AUTS2: variants seen among roughly 807,000 people sequenced by gnomAD.
AUTS2 encodes autism susceptibility gene 2 protein.
Under a neutral mutation model 112.4 loss-of-function variants are expected in AUTS2, and 17 were observed. The ratio of observed to expected loss-of-function variants is 0.15; its 90% confidence interval spans 0.10 to 0.23. The LOEUF (loss-of-function observed/expected upper bound fraction) is 0.23, where lower values mean the gene tolerates loss of function less well. AUTS2 is among the 10% of genes least tolerant of loss of function. The probability of loss-of-function intolerance (pLI) is 1.00; values close to 1 mark genes in which losing one functional copy is unlikely to be tolerated. For synonymous variants in AUTS2, 751 were observed against 702.7 expected (o/e 1.07, Z -1.09); for missense variants, 1,510 against 1,701.6 (o/e 0.89, Z 1.98).
chr7:70,719,425 A>G (rs995895425), intron 6 of AUTS2, among the ~76,000 whole-genome samples: 1 of 152,138 alleles, frequency 6.6e-6, no homozygotes, highest in South Asian at 2.1e-4. Context: ...CGGAACAAGC[A>G]GGGCTTCCCC....
chr7:69,875,459 A>T (rs1793688648), intron 1 of AUTS2, among the ~76,000 whole-genome samples: 1 of 152,170 alleles, frequency 6.6e-6, no homozygotes, highest in South Asian at 2.1e-4. Context: ...TAAGAGGATT[A>T]TTATTATTAT....
intron 2 of AUTS2, among the ~76,000 whole-genome samples, chr7:69,966,875 A>G (rs2129547516): frequency 1.3e-5 from 2 of 152,290 alleles, no homozygotes; most frequent in Admixed American, 1.3e-4. Context: ...ACGTTTCTGA[A>G]AAGAAATATG....
intron 4 of AUTS2, among the ~76,000 whole-genome samples, chr7:70,364,627 G>T (rs1792481793): frequency 6.8e-6 from 1 of 147,108 alleles, no homozygotes; most frequent in Non-Finnish European, 1.5e-5. Context: ...AAATTAAAAA[G>T]GGCTCAAAAG....
chr7:69,687,445 T>C (rs1797110754), intron 1 of AUTS2, among the ~76,000 whole-genome samples: 2 of 152,214 alleles, frequency 1.3e-5, no homozygotes, highest in South Asian at 4.1e-4. Context: ...TTATATACTT[T>C]GCTAACTTGC....
At chr7:70,684,484 T>A (rs1259055348) in intron 5 of AUTS2, among the ~76,000 whole-genome samples, 2 of 152,060 alleles carry the variant, frequency 1.3e-5, no homozygotes, top group Non-Finnish European at 2.9e-5. Flanking sequence ...AAACTGAGAT[T>A]TACCCAGCAG....
intron 3 of AUTS2, among the ~76,000 whole-genome samples, chr7:70,133,345 A>G (rs1806375760): frequency 2.0e-5 from 3 of 152,170 alleles, no homozygotes; most frequent in African/African-American, 4.8e-5. Flanking sequence ...TTTCTTACAC[A>G]TAATCCATCC....
At chr7:69,745,161 A>T (rs1787436659) in intron 1 of AUTS2, among the ~76,000 whole-genome samples, 1 of 152,124 alleles carries the variant, frequency 6.6e-6, no homozygotes, top group Non-Finnish European at 1.5e-5. Flanking sequence ...TGACCAAAAA[A>T]CCACCTCTCC....
At chr7:70,411,476 T>C (rs768856582) in intron 4 of AUTS2, among the ~76,000 whole-genome samples, 11 of 152,128 alleles carry the variant, frequency 7.2e-5, no homozygotes, top group Non-Finnish European at 1.6e-4. Context: ...AAAAAGTCAA[T>C]GTTCCTGCAG....
intron 4 of AUTS2, among the ~76,000 whole-genome samples, chr7:70,388,919 A>T (rs1200366432): frequency 6.6e-6 from 1 of 152,170 alleles, no homozygotes; most frequent in African/African-American, 2.4e-5. Flanking sequence ...TTCAAACTCA[A>T]TGAGGAGATA....
At chr7:70,722,010 G>A (rs1290242062) in intron 6 of AUTS2, among the ~76,000 whole-genome samples, 1 of 151,850 alleles carries the variant, frequency 6.6e-6, no homozygotes, top group Non-Finnish European at 1.5e-5. Flanking sequence ...TGTTTCCAAA[G>A]TGTGCTTTTT....
chr7:70,550,780 T>C (rs1380322029), intron 5 of AUTS2, among the ~76,000 whole-genome samples: 5 of 152,168 alleles, frequency 3.3e-5, no homozygotes, highest in African/African-American at 4.8e-5. Context: ...AAAGGGTTAG[T>C]ACCCATATGT....
chr7:69,874,694 T>A (rs1793651303), intron 1 of AUTS2, among the ~76,000 whole-genome samples: 1 of 152,082 alleles, frequency 6.6e-6, no homozygotes. Context: ...AGTTTATCTC[T>A]GTCACCCAGG....
chr7:69,747,779 A>G, intron 1 of AUTS2, among the ~76,000 whole-genome samples: 1 of 84,914 alleles, frequency 1.2e-5, no homozygotes, highest in African/African-American at 4.8e-5. Context: ...AGAGAGAAGG[A>G]GAGGGGTGTG....
At chr7:70,491,867 G>T (rs1035777991) in intron 5 of AUTS2, among the ~76,000 whole-genome samples, 1 of 152,072 alleles carries the variant, frequency 6.6e-6, no homozygotes, top group East Asian at 1.9e-4. Context: ...CGCCCGCCTC[G>T]GCCTCCCAGA....
chr7:69,608,056 C>T (rs1792825255), intron 1 of AUTS2, among the ~76,000 whole-genome samples: 1 of 152,136 alleles, frequency 6.6e-6, no homozygotes, highest in Admixed American at 6.5e-5. Flanking sequence ...CCACCTCACC[C>T]TCCCAAGTGC....
Position 69,614,399 on chromosome 7 carries a change from A to T in AUTS2, c.309+14437A>T. Among the ~76,000 whole-genome samples the T allele has an allele frequency of 3.9e-5, 2 of 51,810 alleles. 1 individual carries two copies. Among genetic ancestry groups the T allele is most frequent in the Non-Finnish European group, 8.7e-5 (2 of 23,110 alleles). 34.0% of individuals were successfully genotyped at this position (51,810 alleles called of 152,430 possible). On this transcript the variant is annotated intron_variant, in intron 1 of 18. Coordinates refer to ENST00000342771, the MANE Select transcript of AUTS2 (RefSeq NM_015570.4). The stretch of plus-strand genomic sequence containing the variant: ...GAGATGGGATCTCACTCTGTTTCCC[A>T]GGCTGGAGTGCAGCAGTAATCATAG...
At chr7:69,725,209 A>C (rs1411108743) in intron 1 of AUTS2, among the ~76,000 whole-genome samples, 1 of 152,172 alleles carries the variant, frequency 6.6e-6, no homozygotes, top group Non-Finnish European at 1.5e-5. Context: ...TTGAAAAATT[A>C]GCAGGAGTAT....
intron 1 of AUTS2, among the ~76,000 whole-genome samples, chr7:69,656,050 G>A (rs1350573904): frequency 6.6e-6 from 1 of 152,206 alleles, no homozygotes; most frequent in East Asian, 1.9e-4. Flanking sequence ...GTGGTGGCAG[G>A]ACAAATTTCT....
At chr7:70,156,051 C>T (rs1807740838) in intron 4 of AUTS2, among the ~76,000 whole-genome samples, 2 of 152,052 alleles carry the variant, frequency 1.3e-5, no homozygotes, top group African/African-American at 2.4e-5. Flanking sequence ...AGTGTCTGAC[C>T]GGATTGTCTC....
Sources: gnomAD v4.1 joint callset for allele counts (sites outside exome capture counted in the v4.1 genomes callset) on GRCh38, gnomAD v4.1.1 for gene constraint, MANE v1.5 for transcripts, NCBI Gene and HGNC (gene_info 2026-07-23, HGNC 2026-07-21) for gene names.